The following POLK variants were observed in gnomAD, a reference collection of about 807,000 sequenced individuals.
The protein encoded by POLK is DNA polymerase kappa, also known as polymerase (DNA directed) kappa.
Under a neutral mutation model 94.0 loss-of-function variants are expected in POLK, and 76 were observed. The ratio of observed to expected loss-of-function variants is 0.81; its 90% CI spans 0.67 to 0.98. The LOEUF is 0.98. Ranked by LOEUF, POLK falls within the 50% of genes least tolerant of loss-of-function variation. The pLI, the probability that POLK is intolerant of heterozygous loss-of-function variation, is 0.00. For synonymous variants in POLK, 349 were observed against 325.4 expected (o/e 1.07, Z -0.78); for missense variants, 954 against 1,010.1 (o/e 0.94, Z 0.75).
upstream of POLK, chr5:75,511,484 G>A (rs1483632377): frequency 3.3e-6 from 5 of 1,502,526 alleles, no homozygotes; most frequent in Non-Finnish European, 4.4e-6. Flanking sequence ...TGCGCCCGGC[G>A]CTGCCACCCG....
At chr5:75,581,377 C>T in exon 7 of POLK, 1 of 1,613,270 alleles carries the variant, frequency 6.2e-7, no homozygotes, top group Non-Finnish European at 8.5e-7. Flanking sequence ...GTTTTTGGAA[C>T]ATCAGCCCAG....
chr5:75,609,532 C>A, the POLK span: 1 of 152,064 alleles, frequency 6.6e-6, no homozygotes, highest in Non-Finnish European at 1.5e-5. Flanking sequence ...CACTATTATT[C>A]CTTCTTTTGT....
chr5:75,607,339 A>G, the POLK span, among the ~76,000 whole-genome samples: 1 of 152,020 alleles, frequency 6.6e-6, no homozygotes, highest in Admixed American at 6.5e-5. Flanking sequence ...GTGGTGGCAC[A>G]CACTTGTGAT....
intron 2 of POLK, among the ~76,000 whole-genome samples, chr5:75,550,705 C>T (rs1463232051): frequency 2.0e-5 from 3 of 152,232 alleles, no homozygotes; most frequent in Middle Eastern, 6.8e-3. Context: ...GATAAAATCC[C>T]ACCACTATTC....
At position 75,559,570 on chromosome 5, in the gene POLK, G is replaced by C. The variant is rs191433230; in HGVS notation, c.255+6979G>C. On this transcript the variant is annotated intron_variant, in intron 3 of 14. Transcript: ENST00000241436. ...TTTTTTAGAGACAGGGTCTCTCTCT[G>C]TCACCCAGGCTGGAGTGCAGTGGTG... Among the ~76,000 whole-genome samples, 289 of 111,110 alleles carry C rather than the reference G, an allele frequency of 2.6e-3. 1 individual carries two copies. Among genetic ancestry groups the C allele is most frequent in the Admixed American group, 0.013 (99 of 7,384 alleles). 72.9% of individuals were successfully genotyped at this position (111,110 alleles called of 152,430 possible).
At chr5:75,559,480 T>C (rs1770834267) in intron 3 of POLK, among the ~76,000 whole-genome samples, 2 of 151,716 alleles carry the variant, frequency 1.3e-5, no homozygotes, top group African/African-American at 4.8e-5. Flanking sequence ...TTTGACCATT[T>C]TGGCAATTTA....
intron 10 of POLK, among the ~76,000 whole-genome samples, chr5:75,590,070 C>A (rs570407546): frequency 6.6e-6 from 1 of 152,114 alleles, no homozygotes; most frequent in Non-Finnish European, 1.5e-5. Context: ...TTACCATTAT[C>A]TGTTGGTAAT....
chr5:75,559,216 G>C (rs1281246389), intron 3 of POLK, among the ~76,000 whole-genome samples: 1 of 152,132 alleles, frequency 6.6e-6, no homozygotes, highest in African/African-American at 2.4e-5. Flanking sequence ...CCAAGTACTC[G>C]ATTTTATTAT....
At chr5:75,545,665 T>C (rs1304920588) in intron 1 of POLK, among the ~76,000 whole-genome samples, 2 of 152,202 alleles carry the variant, frequency 1.3e-5, no homozygotes, top group Non-Finnish European at 2.9e-5. Context: ...TTCTAGGTTT[T>C]TTTTTCTGTA....
intron 7 of POLK, 121 bp downstream of exon 7, chr5:75,581,569 A>G: frequency 2.4e-6 from 2 of 839,316 alleles, no homozygotes; most frequent in Non-Finnish European, 3.7e-6. Flanking sequence ...TTAGTCTTTC[A>G]TTCAACTTCT....
At chr5:75,530,165 T>A (rs1021671258) in intron 1 of POLK, among the ~76,000 whole-genome samples, 3 of 151,940 alleles carry the variant, frequency 2.0e-5, no homozygotes, top group Admixed American at 6.6e-5. Context: ...ACTGGGAAGA[T>A]CTCCAGTTGA....
intron 1 of POLK, among the ~76,000 whole-genome samples, chr5:75,513,233 T>C (rs1464781544): frequency 1.3e-5 from 2 of 152,198 alleles, no homozygotes; most frequent in African/African-American, 4.8e-5. Flanking sequence ...CCACACTCCA[T>C]TTATATTGAT....
chr5:75,519,872 A>C (rs1768487974), intron 1 of POLK, among the ~76,000 whole-genome samples: 3 of 152,200 alleles, frequency 2.0e-5, no homozygotes, highest in Admixed American at 2.0e-4. Context: ...GTTCATTTAC[A>C]TTCAGTGTTA....
exon 15 of POLK, chr5:75,597,998 C>A: frequency 7.3e-7 from 1 of 1,376,982 alleles, no homozygotes; most frequent in East Asian, 2.6e-5. Context: ...CAAACATACC[C>A]TTGATATATT....
exon 13 of POLK, chr5:75,596,867 A>G (rs202124922): frequency 6.2e-7 from 1 of 1,613,578 alleles, no homozygotes; most frequent in African/African-American, 1.3e-5. Flanking sequence ...AAGCATAGCA[A>G]GGAAGAATGT....
In POLK at chr5:75,535,420, T is replaced by C. The variant is rs116078361; in HGVS notation, c.-13-11590T>C. Among the ~76,000 whole-genome samples, 349 of 152,284 alleles carry C rather than the reference T, an allele frequency of 2.3e-3. 1 individual carries two copies. The highest frequency in any genetic ancestry group is 7.9e-3 in the African/African-American group (328 of 41,556). Reference sequence around the variant, plus strand: ...TTCAGACCGTGGAGACTCTGATGACTATGTGCCTTTGGGATGATCTTGTGC... The same window carrying C: ...TTCAGACCGTGGAGACTCTGATGACCATGTGCCTTTGGGATGATCTTGTGC... On this transcript the variant is annotated intron_variant, in intron 1 of 14. Transcript: ENST00000241436.
At chr5:75,522,139 G>C (rs1360394904) in intron 1 of POLK, among the ~76,000 whole-genome samples, 1 of 152,230 alleles carries the variant, frequency 6.6e-6, no homozygotes, top group African/African-American at 2.4e-5. Flanking sequence ...TTGGGTCAGG[G>C]ACAGGTCTTC....
chr5:75,531,132 G>C (rs1289388606), intron 1 of POLK, among the ~76,000 whole-genome samples: 1 of 151,750 alleles, frequency 6.6e-6, no homozygotes, highest in Non-Finnish European at 1.5e-5. Flanking sequence ...TATTTTAGTT[G>C]AAATATAACT....
intron 1 of POLK, chr5:75,512,521 TCTC>T (rs1768093931): frequency 6.6e-6 from 1 of 152,212 alleles, no homozygotes; most frequent in Admixed American, 6.5e-5. Context: ...ATAGAAACTT[TCTC>T]GTATTAGAAA....
Sources: allele counts gnomAD v4.1 joint callset (sites outside exome capture counted in the v4.1 genomes callset), GRCh38; gene constraint gnomAD v4.1.1; transcripts MANE v1.5; gene names NCBI Gene and HGNC (gene_info 2026-07-23, HGNC 2026-07-21).